PSME3IP1: variants seen among roughly 807,000 people sequenced by gnomAD.
PSME3IP1 encodes PSME3-interacting protein.
A neutral mutation model predicts 34.1 loss-of-function variants in PSME3IP1; 13 were observed. The ratio of observed to expected loss-of-function variants is 0.38; its 90% CI spans 0.25 to 0.61. The LOEUF (loss-of-function observed/expected upper bound fraction) is 0.61, where lower values mean the gene tolerates loss of function less well. PSME3IP1 is among the 20% of genes least tolerant of loss of function. The probability of loss-of-function intolerance (pLI) is 0.60; values close to 1 mark genes in which losing one functional copy is unlikely to be tolerated. For synonymous variants in PSME3IP1, 93 were observed against 114.3 expected (o/e 0.81, Z 1.19); for missense variants, 237 against 301.4 (o/e 0.79, Z 1.58).
intron 1 of PSME3IP1, among the ~76,000 whole-genome samples, chr16:57,182,924 T>G (rs1318203124): frequency 6.6e-6 from 1 of 152,098 alleles, no homozygotes; most frequent in East Asian, 1.9e-4. Flanking sequence ...GAAAAAAGAT[T>G]TTTGAAGCAA....
chr16:57,178,951 G>T, intron 1 of PSME3IP1: 1 of 256,692 alleles, frequency 3.9e-6, no homozygotes, highest in Non-Finnish European at 6.1e-6. Context: ...AATTCCTATT[G>T]TCTAGGTAAA....
chr16:57,164,966 G>C (rs1352891894), intron 5 of PSME3IP1, among the ~76,000 whole-genome samples: 1 of 151,562 alleles, frequency 6.6e-6, no homozygotes, highest in Non-Finnish European at 1.5e-5. Flanking sequence ...GGGAGGCACA[G>C]GTGTGCCAAG....
chr16:57,155,830 G>A (rs2070453081), intron 6 of PSME3IP1, among the ~76,000 whole-genome samples: 1 of 151,324 alleles, frequency 6.6e-6, no homozygotes, highest in African/African-American at 2.4e-5. Flanking sequence ...AAACTAGTCG[G>A]GTATAGTGGT....
At chr16:57,156,681 A>C (rs2070573339) in intron 6 of PSME3IP1, among the ~76,000 whole-genome samples, 1 of 152,238 alleles carries the variant, frequency 6.6e-6, no homozygotes, top group Non-Finnish European at 1.5e-5. Context: ...AATTTCCTTA[A>C]GATACTAAGA....
At chr16:57,155,200 G>C (rs1157964491) in intron 6 of PSME3IP1, among the ~76,000 whole-genome samples, 8 of 152,186 alleles carry the variant, frequency 5.3e-5, no homozygotes, top group Non-Finnish European at 8.8e-5. Flanking sequence ...TTTTACAAAT[G>C]AGAAAACTGA....
chr16:57,183,337 A>G (rs529427123), intron 1 of PSME3IP1, among the ~76,000 whole-genome samples: 1 of 152,228 alleles, frequency 6.6e-6, no homozygotes, highest in South Asian at 2.1e-4. Context: ...TTTGTCAAAA[A>G]TAATTTTTTT....
At chr16:57,157,127 G>C (rs972412666) in intron 6 of PSME3IP1, among the ~76,000 whole-genome samples, 1 of 152,048 alleles carries the variant, frequency 6.6e-6, no homozygotes, top group Non-Finnish European at 1.5e-5. Context: ...GAACAACACA[G>C]GGAGACTCTG....
chr16:57,162,664 CAAAA>C (rs773301974), intron 6 of PSME3IP1, among the ~76,000 whole-genome samples: 1 of 55,658 alleles, frequency 1.8e-5, no homozygotes. Flanking sequence ...GACCCTGTCT[CAAAA>C]AAAAAAAAAA....
intron 1 of PSME3IP1, among the ~76,000 whole-genome samples, chr16:57,182,688 T>C (rs1368315764): frequency 7.2e-6 from 1 of 138,488 alleles, no homozygotes; most frequent in Non-Finnish European, 1.5e-5. Flanking sequence ...GGCAGGTGGA[T>C]CACCTGAGGT....
In PSME3IP1 at chr16:57,159,203, T is replaced by C. The variant is rs375726374; in HGVS notation, c.548-4696A>G. Among the ~76,000 whole-genome samples, 18 of 152,212 alleles carry C rather than the reference T, an allele frequency of 1.2e-4. 1 individual carries two copies. In the East Asian group the frequency reaches 3.5e-3, roughly 29 times the overall value. ...TGGACCACTGTGGTATCAGAAGAGT[T>C]TAAGTGAAGAGACCAAATACCCCAA... On this transcript the variant is annotated intron_variant, in intron 6 of 6. Coordinates refer to ENST00000309137, the MANE Select transcript of PSME3IP1 (RefSeq NM_024946.4).
intron 1 of PSME3IP1, among the ~76,000 whole-genome samples, chr16:57,181,143 C>G (rs1180616458): frequency 6.6e-6 from 1 of 152,182 alleles, no homozygotes; most frequent in African/African-American, 2.4e-5. Flanking sequence ...TTGAATTCAC[C>G]TATACACACT....
At chr16:57,163,899 GAAGACAGAAATGCATT>G in intron 6 of PSME3IP1, 86 bp downstream of exon 6, 1 of 1,200,690 alleles carries the variant, frequency 8.3e-7, no homozygotes, top group Non-Finnish European at 1.2e-6. Flanking sequence ...AGGCTTGCTT[GAAGACAGAAATGCATT>G]CATTTGCAGA....
At chr16:57,163,904 C>T (rs2071555643) in intron 6 of PSME3IP1, 97 bp downstream of exon 6, 1 of 1,239,644 alleles carries the variant, frequency 8.1e-7, no homozygotes, top group Non-Finnish European at 1.2e-6. Flanking sequence ...TGCTTGAAGA[C>T]AGAAATGCAT....
rs1013377159 is a variant in PSME3IP1, at chr16:57,152,924, G to T, written c.*1366C>A. ...GGAGTGGGCTGGATGAGATCCAGGG[G>T]CCTCTCTGCCCATGTTCAAAGTCAG... On this transcript the variant is annotated 3_prime_UTR_variant, in exon 7 of 7. Coordinates refer to ENST00000309137, the MANE Select transcript of PSME3IP1 (RefSeq NM_024946.4). The T allele has an allele frequency of 1.3e-5, 2 of 152,614 alleles. No individual in the cohort carries two copies. The highest frequency in any genetic ancestry group is 1.3e-4 in the Admixed American group (2 of 15,284). 9.5% of individuals were successfully genotyped at this position (152,614 alleles called of 1,614,324 possible). A position where few individuals can be genotyped will look rare whatever the true frequency, so the allele number is the denominator to read the frequency against.
Position 57,172,851 on chromosome 16 carries a change from G to A in PSME3IP1, c.151C>T (p.Pro51Ser), listed in dbSNP as rs546658164. The A allele has an allele frequency of 1.1e-5, 18 of 1,612,624 alleles. No individual in the cohort carries two copies. The highest frequency in any genetic ancestry group is 1.1e-4 in the African/African-American group (8 of 75,016). The change falls in exon 3 of 7, where the codon CCT becomes TCT. Residue 51 changes from proline (P) to serine (S), a missense_variant. Pro to Ser is a moderately conservative substitution (Grantham distance 74). Coordinates refer to ENST00000309137, the MANE Select transcript of PSME3IP1 (RefSeq NM_024946.4). ...PEECPEEVYDPRSLYERLQEQ... is the reference protein window; with the variant it reads ...PEECPEEVYDSRSLYERLQEQ... ...TGTAGCCTTTCATATAGAGATCGAG[G>A]GTCATAAACCTCCTCTGGACATTCT...
At position 57,153,998 on chromosome 16, in the gene PSME3IP1, C is replaced by G; in HGVS notation, c.*292G>C. ...GGCAAGCCAGCCGGTGCCTATTCTC[C>G]TGGGGCATTTTTAGTGGAACTTCGG... On this transcript the variant is annotated 3_prime_UTR_variant, in exon 7 of 7. Transcript: ENST00000309137. 2.6e-6 allele frequency: 1 copy of G among 383,148 alleles called. No homozygotes were observed. Among genetic ancestry groups the G allele is most frequent in the Middle Eastern group, 7.3e-4 (1 of 1,362 alleles). The allele number at this position is 383,148 out of a possible 1,614,324, so 23.7% of individuals were successfully genotyped here. A position where few individuals can be genotyped will look rare whatever the true frequency, so the allele number is the denominator to read the frequency against.
intron 1 of PSME3IP1, among the ~76,000 whole-genome samples, chr16:57,178,225 G>A (rs1017918569): frequency 2.0e-5 from 3 of 152,160 alleles, no homozygotes; most frequent in African/African-American, 7.2e-5. Flanking sequence ...CCTCTGCCAG[G>A]AATGCCCTTG....
intron 1 of PSME3IP1, chr16:57,174,401 C>G (rs1164244067): frequency 1.0e-6 from 1 of 972,688 alleles, no homozygotes; most frequent in African/African-American, 1.8e-5. Flanking sequence ...TCGATGTTAT[C>G]TACACAGTTG....
intron 6 of PSME3IP1, among the ~76,000 whole-genome samples, chr16:57,163,187 T>C (rs1164297665): frequency 1.3e-5 from 2 of 151,898 alleles, no homozygotes; most frequent in Non-Finnish European, 2.9e-5. Flanking sequence ...AAAAAAAGTA[T>C]AATTCTGTTT....
Sources: allele counts gnomAD v4.1 joint callset (sites outside exome capture counted in the v4.1 genomes callset), GRCh38; gene constraint gnomAD v4.1.1; transcripts MANE v1.5; gene names NCBI Gene and HGNC (gene_info 2026-07-23, HGNC 2026-07-21).